The following QTMAN variants were observed in gnomAD, a reference collection of about 807,000 sequenced individuals.
The protein encoded by QTMAN is tRNA-queuosine alpha-mannosyltransferase.
At chr2:144,326,933 G>A in the QTMAN span, among the ~76,000 whole-genome samples, 1 of 152,092 alleles carries the variant, frequency 6.6e-6, no homozygotes, top group Non-Finnish European at 1.5e-5. Flanking sequence ...GAGAGAGAGA[G>A]GAAGATTCCA....
the QTMAN span, among the ~76,000 whole-genome samples, chr2:144,260,548 C>G: frequency 6.6e-6 from 1 of 151,930 alleles, no homozygotes; most frequent in African/African-American, 2.4e-5. Context: ...CTCAGAAGAG[C>G]AAATCATACA....
the QTMAN span, among the ~76,000 whole-genome samples, chr2:144,023,714 G>A: frequency 1.3e-5 from 2 of 152,030 alleles, no homozygotes. Flanking sequence ...ATTATTGTGG[G>A]TCATAGCCAC....
At chr2:144,093,799 TG>T in the QTMAN span, among the ~76,000 whole-genome samples, 1 of 152,220 alleles carries the variant, frequency 6.6e-6, no homozygotes, top group African/African-American at 2.4e-5. Flanking sequence ...TTGGTGTGTG[TG>T]TTACTGTCCA....
At chr2:144,125,837 A>C in the QTMAN span, among the ~76,000 whole-genome samples, 1 of 152,122 alleles carries the variant, frequency 6.6e-6, no homozygotes, top group Non-Finnish European at 1.5e-5. Flanking sequence ...ATTCTGCCAA[A>C]GAAAGGAATA....
At chr2:144,139,584 T>A in the QTMAN span, among the ~76,000 whole-genome samples, 1 of 151,958 alleles carries the variant, frequency 6.6e-6, no homozygotes, top group Admixed American at 6.6e-5. Flanking sequence ...AGCTTTCCCA[T>A]CCCAAAATAT....
At chr2:144,002,794 C>A in the QTMAN span, among the ~76,000 whole-genome samples, 1 of 151,820 alleles carries the variant, frequency 6.6e-6, no homozygotes, top group East Asian at 1.9e-4. Context: ...TCCTACTTGT[C>A]AAGTTTTGGT....
the QTMAN span, among the ~76,000 whole-genome samples, chr2:143,991,909 T>G: frequency 1.9e-5 from 2 of 107,008 alleles, no homozygotes; most frequent in East Asian, 3.0e-4. Context: ...GGGAGGGAGG[T>G]GGGGGGGTCA....
chr2:144,251,587 A>G, the QTMAN span, among the ~76,000 whole-genome samples: 2 of 152,208 alleles, frequency 1.3e-5, no homozygotes, highest in African/African-American at 4.8e-5. Context: ...CTCAAAATAG[A>G]TCATAAACCT....
At chr2:144,237,797 G>T in the QTMAN span, among the ~76,000 whole-genome samples, 1 of 152,126 alleles carries the variant, frequency 6.6e-6, no homozygotes. Context: ...TGCAGTGAAA[G>T]TGACAGTGTC....
the QTMAN span, among the ~76,000 whole-genome samples, chr2:144,030,385 C>T: frequency 1.3e-5 from 2 of 152,186 alleles, no homozygotes; most frequent in Non-Finnish European, 2.9e-5. Context: ...TGTCTACCTT[C>T]CCTAAGACAC....
At chr2:144,064,230 C>T in the QTMAN span, among the ~76,000 whole-genome samples, 6 of 152,138 alleles carry the variant, frequency 3.9e-5, no homozygotes, top group Non-Finnish European at 5.9e-5. Flanking sequence ...AGCAGTAGAT[C>T]TAGCTGATTC....
At chr2:143,991,089 T>C in the QTMAN span, among the ~76,000 whole-genome samples, 1 of 151,390 alleles carries the variant, frequency 6.6e-6, no homozygotes, top group Non-Finnish European at 1.5e-5. Flanking sequence ...TAAAAAGACA[T>C]GAAAAATATG....
chr2:143,955,507 T>C, the QTMAN span, among the ~76,000 whole-genome samples: 3 of 152,276 alleles, frequency 2.0e-5, no homozygotes, highest in East Asian at 1.9e-4. Context: ...GAATAAACTA[T>C]TGAAAAAAAT....
the QTMAN span, among the ~76,000 whole-genome samples, chr2:144,083,757 G>C: frequency 1.3e-5 from 2 of 151,974 alleles, no homozygotes; most frequent in Non-Finnish European, 2.9e-5. Context: ...CCACTGGTGA[G>C]CTGTGTACTC....
chr2:144,190,414 A>C, the QTMAN span, among the ~76,000 whole-genome samples: 36 of 152,354 alleles, frequency 2.4e-4, no homozygotes, highest in African/African-American at 7.5e-4. Context: ...CCAGGTAGTC[A>C]TGCTTTAACT....
At chr2:143,969,585 T>C in the QTMAN span, among the ~76,000 whole-genome samples, 2 of 151,994 alleles carry the variant, frequency 1.3e-5, no homozygotes, top group African/African-American at 4.8e-5. Flanking sequence ...AATTTACACA[T>C]AGATAAATTA....
At chr2:144,321,403 A>G in the QTMAN span, among the ~76,000 whole-genome samples, 1 of 152,204 alleles carries the variant, frequency 6.6e-6, no homozygotes, top group Non-Finnish European at 1.5e-5. Context: ...TCCACACAAA[A>G]AGATGTTAAT....
chr2:144,015,477 A>G, the QTMAN span, among the ~76,000 whole-genome samples: 1 of 151,644 alleles, frequency 6.6e-6, no homozygotes, highest in Admixed American at 6.6e-5. Flanking sequence ...CACTGCCACT[A>G]TGGGTCTCCT....
chr2:144,293,626 T>C, the QTMAN span, among the ~76,000 whole-genome samples: 2 of 152,188 alleles, frequency 1.3e-5, no homozygotes, highest in African/African-American at 4.8e-5. Flanking sequence ...CAACACTGTC[T>C]AGAGAGAAAA....
Sources: allele counts gnomAD v4.1 joint callset (sites outside exome capture counted in the v4.1 genomes callset), GRCh38; gene constraint gnomAD v4.1.1; transcripts MANE v1.5; gene names NCBI Gene and HGNC (gene_info 2026-07-23, HGNC 2026-07-21).